The following PDE8A variants were observed in gnomAD, a reference collection of about 807,000 sequenced individuals.
PDE8A encodes high affinity cAMP-specific and IBMX-insensitive 3',5'-cyclic phosphodiesterase 8A.
In PDE8A, 59 loss-of-function variants were observed where a neutral mutation model predicts 105.0. The observed-to-expected ratio is 0.56, with a 90% CI of 0.46 to 0.70. The LOEUF is 0.70. PDE8A is among the 30% of genes least tolerant of loss of function. The pLI is 0.00. For missense variants in PDE8A, 1,014 were observed against 1,045.9 expected (o/e 0.97, Z 0.42); for synonymous variants, 355 against 371.9 (o/e 0.95, Z 0.52).
At chr15:85,119,671 T>C (rs866429183) in intron 17 of PDE8A, among the ~76,000 whole-genome samples, 17 of 152,146 alleles carry the variant, frequency 1.1e-4, no homozygotes, top group African/African-American at 3.1e-4. Context: ...CTAAACTTCA[T>C]AGGCTATATT....
intron 1 of PDE8A, among the ~76,000 whole-genome samples, chr15:85,055,675 C>G (rs1187082867): frequency 6.6e-6 from 1 of 152,180 alleles, no homozygotes; most frequent in Non-Finnish European, 1.5e-5. Flanking sequence ...AGATCTTCCT[C>G]CATCCCTTTA....
rs1164580776 is a variant in PDE8A at position 85,001,200 on chromosome 15, G to A, written c.186+18852G>A. Among the ~76,000 whole-genome samples, 3 of 152,230 alleles carry A rather than the reference G, an allele frequency of 2.0e-5. No homozygotes were observed. The South Asian group carries it at 6.2e-4, about 32-fold the overall frequency. On this transcript the variant is annotated intron_variant, in intron 1 of 21. Coordinates refer to ENST00000394553, the MANE Select transcript of PDE8A (RefSeq NM_002605.3). ...TGATAACCTCTGGACTTTTGACGGT[G>A]CAGTTTCCTTGCCAATGCTCCGCAA...
At chr15:85,103,037 A>G (rs2141572333) in intron 11 of PDE8A, among the ~76,000 whole-genome samples, 1 of 152,202 alleles carries the variant, frequency 6.6e-6, no homozygotes, top group East Asian at 1.9e-4. Flanking sequence ...CCTAGGCAAC[A>G]TGGTGAAAAC....
At chr15:85,115,567 C>T in intron 15 of PDE8A, 80 bp downstream of exon 15, 1 of 722,274 alleles carries the variant, frequency 1.4e-6, no homozygotes, top group Non-Finnish European at 2.2e-6. Context: ...TAATTTTTCA[C>T]CTCATTAAGA....
chr15:85,082,902 G>A (rs886066662), intron 5 of PDE8A, among the ~76,000 whole-genome samples: 4 of 152,168 alleles, frequency 2.6e-5, no homozygotes, highest in East Asian at 1.9e-4. Context: ...TCACTTTGTC[G>A]TGAGATATTT....
At position 85,081,866 on chromosome 15, in the gene PDE8A, A is replaced by G. The variant is rs1454973924; in HGVS notation, c.547-1690A>G. ...TGGGGTAAAAAAGTTTGGTGGATAC[A>G]TAACATTCAGACCAATTAAAAAGTC... On this transcript the variant is annotated intron_variant, in intron 5 of 21. Coordinates refer to ENST00000394553, the MANE Select transcript of PDE8A (RefSeq NM_002605.3). Among the ~76,000 whole-genome samples the G allele has an allele frequency of 2.6e-5, 4 of 152,304 alleles. No homozygotes were observed. The South Asian group carries it at 6.2e-4, about 24-fold the overall frequency.
chr15:85,077,695 C>T (rs2081399364), intron 5 of PDE8A, among the ~76,000 whole-genome samples: 1 of 152,138 alleles, frequency 6.6e-6, no homozygotes, highest in Admixed American at 6.5e-5. Flanking sequence ...CCTCACACCC[C>T]TCAGAGATTA....
intron 1 of PDE8A, among the ~76,000 whole-genome samples, chr15:84,988,223 C>T (rs1437298147): frequency 1.3e-5 from 2 of 152,196 alleles, no homozygotes; most frequent in Non-Finnish European, 2.9e-5. Flanking sequence ...CTGGTCCTGG[C>T]TCTCACCTGT....
At chr15:85,022,783 C>T (rs1441302041) in intron 1 of PDE8A, among the ~76,000 whole-genome samples, 1 of 152,032 alleles carries the variant, frequency 6.6e-6, no homozygotes, top group Non-Finnish European at 1.5e-5. Context: ...GAACTCCTGA[C>T]CTCTGATGAT....
intron 1 of PDE8A, among the ~76,000 whole-genome samples, chr15:85,050,215 T>A (rs1267466462): frequency 1.3e-5 from 2 of 152,236 alleles, no homozygotes; most frequent in African/African-American, 4.8e-5. Flanking sequence ...TAGATATTAC[T>A]CTCTTATCAG....
Position 85,120,794 on chromosome 15 carries a change from C to T in PDE8A, c.1735-3C>T. The T allele has an allele frequency of 1.9e-6, 3 of 1,587,112 alleles. No individual in the cohort carries two copies. Among genetic ancestry groups the T allele is most frequent in the Non-Finnish European group, 2.6e-6 (3 of 1,165,044 alleles). The stretch of plus-strand genomic sequence containing the variant: ...CAGTTTTTAAAAGCTCTCTTGTTTT[C>T]AGGAAACTTTAGATCCAATTGATGA... On this transcript the variant is annotated splice_region_variant and splice_polypyrimidine_tract_variant and intron_variant, in intron 17 of 21. Transcript: ENST00000394553.
upstream of PDE8A, among the ~76,000 whole-genome samples, chr15:84,981,580 C>G (rs1415599202): frequency 6.6e-6 from 1 of 152,186 alleles, no homozygotes; most frequent in East Asian, 1.9e-4. Context: ...GCGTCTAAGG[C>G]TAGCCTTGTA....
chr15:85,092,434 G>A lies in PDE8A; in HGVS notation c.852+1253G>A, dbSNP rs530035966. Among the ~76,000 whole-genome samples the A allele has an allele frequency of 5.9e-5, 9 of 152,062 alleles. 1 individual carries two copies. The South Asian group carries it at 1.9e-3, about 32-fold the overall frequency. ...TGAAGAGACCCTCAGGTGCTCAGGTGCACCATGTAGGTGAGGGCAAGTATT... is the reference window on the plus strand; with the variant it reads ...TGAAGAGACCCTCAGGTGCTCAGGTACACCATGTAGGTGAGGGCAAGTATT... On this transcript the variant is annotated intron_variant, in intron 8 of 21. Transcript: ENST00000394553.
intron 6 of PDE8A, among the ~76,000 whole-genome samples, chr15:85,086,952 C>T (rs774219119): frequency 1.5e-4 from 23 of 151,326 alleles, no homozygotes; most frequent in South Asian, 4.2e-4. Flanking sequence ...TTAGTAGATA[C>T]GGGGTTTCAC....
chr15:85,000,336 T>C (rs1197762158), intron 1 of PDE8A, among the ~76,000 whole-genome samples: 2 of 152,132 alleles, frequency 1.3e-5, no homozygotes, highest in Non-Finnish European at 2.9e-5. Context: ...TAAACAGGGG[T>C]GCACTGGTTT....
intron 1 of PDE8A, among the ~76,000 whole-genome samples, chr15:85,031,897 A>G (rs1393983840): frequency 6.6e-6 from 1 of 152,172 alleles, no homozygotes; most frequent in African/African-American, 2.4e-5. Flanking sequence ...TGTAAGGGGT[A>G]TATCCTAACC....
At chr15:85,010,104 C>T (rs1291521815) in intron 1 of PDE8A, among the ~76,000 whole-genome samples, 2 of 152,096 alleles carry the variant, frequency 1.3e-5, no homozygotes, top group Admixed American at 6.5e-5. Context: ...GGACAGGGCT[C>T]ACCTTTGAGG....
intron 1 of PDE8A, among the ~76,000 whole-genome samples, chr15:85,045,119 C>T (rs911330056): frequency 1.3e-5 from 2 of 151,670 alleles, no homozygotes; most frequent in Non-Finnish European, 3.0e-5. Flanking sequence ...TGGCTACTTC[C>T]TGTCATTCAG....
intron 1 of PDE8A, among the ~76,000 whole-genome samples, chr15:84,997,662 G>A (rs1290821935): frequency 1.3e-5 from 2 of 151,614 alleles, no homozygotes; most frequent in Non-Finnish European, 2.9e-5. Context: ...GTGCGATCTT[G>A]GCTCACCGCA....
Sources: allele counts gnomAD v4.1 joint callset (sites outside exome capture counted in the v4.1 genomes callset), GRCh38; gene constraint gnomAD v4.1.1; transcripts MANE v1.5; gene names NCBI Gene and HGNC (gene_info 2026-07-23, HGNC 2026-07-21).